Variants in USH2A observed in about 807,000 individuals in gnomAD.
The protein encoded by USH2A is Usher syndrome 2A (autosomal recessive, mild).
In USH2A, 443 loss-of-function variants were observed where a neutral mutation model predicts 538.9. That is an observed-to-expected ratio of 0.82 (90% CI 0.76 to 0.89). The LOEUF is 0.89. Among genes scored for constraint, USH2A ranks in the 40% least tolerant of loss-of-function variants. USH2A has a pLI of 0.00. For synonymous variants in USH2A, 2,413 were observed against 2,273.5 expected, an observed-to-expected ratio of 1.06 and a Z score of -1.75; for missense variants, 6,633 against 6,324.8, an observed-to-expected ratio of 1.05 and a Z score of -1.65.
At chr1:215,811,942 A>G (rs1177165066) in intron 49 of USH2A, among the ~76,000 whole-genome samples, 1 of 149,034 alleles carries the variant, frequency 6.7e-6, no homozygotes, top group African/African-American at 2.5e-5. Context: ...CAAACAAAAA[A>G]CAAAAACAAA....
intron 14 of USH2A, among the ~76,000 whole-genome samples, chr1:216,229,202 A>G (rs905625811): frequency 2.0e-5 from 3 of 151,770 alleles, no homozygotes; most frequent in East Asian, 3.9e-4. Flanking sequence ...CTTAATCTGA[A>G]TCATTCATAT....
intron 32 of USH2A, among the ~76,000 whole-genome samples, chr1:216,021,346 A>C (rs1055838617): frequency 4.5e-4 from 69 of 152,252 alleles, no homozygotes; most frequent in Non-Finnish European, 2.5e-4. Flanking sequence ...AATAAGTCTC[A>C]TAAGATCTGA....
chr1:215,728,880 T>C (rs773497057), intron 60 of USH2A, among the ~76,000 whole-genome samples: 13 of 152,200 alleles, frequency 8.5e-5, no homozygotes, highest in Non-Finnish European at 1.8e-4. Context: ...TGTGCATGTA[T>C]GCATGCAGTT....
chr1:215,856,832 GGTGTGTGTGTGTGTGTGTGTGTGTGTGT>G (rs71159889), intron 44 of USH2A, among the ~76,000 whole-genome samples: 10 of 141,896 alleles, frequency 7.0e-5, no homozygotes, highest in Admixed American at 6.4e-4. Flanking sequence ...AAAAAAATTT[GGTGTGTGTGTGTGTGTGTGTGTGTGTGT>G]GTGTGTGTGT....
At chr1:215,939,191 C>T (rs1355122669) in intron 37 of USH2A, among the ~76,000 whole-genome samples, 1 of 152,156 alleles carries the variant, frequency 6.6e-6, no homozygotes, top group Non-Finnish European at 1.5e-5. Flanking sequence ...CACTATCTTT[C>T]CACTGAAGAT....
chr1:215,838,107 C>A lies in USH2A; in HGVS notation c.9259-4G>T, dbSNP rs2102816703. On this transcript the variant is annotated splice_polypyrimidine_tract_variant and splice_region_variant and intron_variant, in intron 46 of 71. Coordinates refer to ENST00000307340, the MANE Select transcript of USH2A (RefSeq NM_206933.4). ...CATATATTGTGCAGACTTCAACCTG[C>A]AAACATTAGTTTAGAAAAAATAAAT... 2 of 1,610,868 alleles carry A rather than the reference C, an allele frequency of 1.2e-6. No individual in the cohort carries two copies. Among genetic ancestry groups the A allele is most frequent in the African/African-American group, 2.7e-5 (2 of 74,958 alleles).
intron 55 of USH2A, among the ~76,000 whole-genome samples, chr1:215,771,041 T>C (rs1000739507): frequency 1.4e-5 from 2 of 148,082 alleles, no homozygotes; most frequent in South Asian, 2.2e-4. Flanking sequence ...GCTGGAGAAT[T>C]GCTTGAACCT....
intron 61 of USH2A, among the ~76,000 whole-genome samples, chr1:215,686,724 T>C (rs1405458114): frequency 4.6e-5 from 7 of 152,078 alleles, no homozygotes; most frequent in Admixed American, 4.6e-4. Context: ...AATGAAATAA[T>C]AAATCTGCCA....
At position 215,889,857 on chromosome 1, in the gene USH2A, A is replaced by T. The variant is rs72742768; in HGVS notation, c.7595-803T>A. Among the ~76,000 whole-genome samples the T allele has an allele frequency of 6.3e-3, 955 of 152,330 alleles. 6 individuals carry two copies. The highest frequency in any genetic ancestry group is 8.5e-3 in the Non-Finnish European group (575 of 68,038). ...TTCCTTAATTGTAAATAATTTCACC[A>T]TGCGACACAATCAAGTCACCTTGAA... On this transcript the variant is annotated intron_variant, in intron 40 of 71. Coordinates refer to ENST00000307340, the MANE Select transcript of USH2A (RefSeq NM_206933.4).
intron 37 of USH2A, among the ~76,000 whole-genome samples, chr1:215,958,497 T>C (rs1286377767): frequency 6.6e-6 from 1 of 152,158 alleles, no homozygotes; most frequent in East Asian, 1.9e-4. Flanking sequence ...AGATGGGGAT[T>C]TATCCCAAAG....
chr1:216,060,239 G>A (rs543192839), intron 30 of USH2A, among the ~76,000 whole-genome samples: 1 of 152,276 alleles, frequency 6.6e-6, no homozygotes, highest in South Asian at 2.1e-4. Context: ...TAGCCCAGAT[G>A]TACAGAATCA....
chr1:215,923,346 T>A (rs1350786084), intron 38 of USH2A, among the ~76,000 whole-genome samples: 1 of 152,062 alleles, frequency 6.6e-6, no homozygotes, highest in Non-Finnish European at 1.5e-5. Context: ...CAGAATCTAG[T>A]CTACCTCCTT....
At chr1:215,720,355 C>A (rs1659620458) in intron 61 of USH2A, among the ~76,000 whole-genome samples, 1 of 152,172 alleles carries the variant, frequency 6.6e-6, no homozygotes, top group Non-Finnish European at 1.5e-5. Context: ...ACAGTCTGGT[C>A]TTGGCAAGAG....
intron 9 of USH2A, among the ~76,000 whole-genome samples, chr1:216,302,784 C>G (rs1261211812): frequency 6.6e-6 from 1 of 151,960 alleles, no homozygotes; most frequent in Non-Finnish European, 1.5e-5. Flanking sequence ...GGAAAATTAT[C>G]CAATGAAACA....
At chr1:215,632,479 T>A (rs1002021513) in intron 70 of USH2A, among the ~76,000 whole-genome samples, 2 of 152,182 alleles carry the variant, frequency 1.3e-5, no homozygotes, top group African/African-American at 4.8e-5. Context: ...GTGTTCTTCC[T>A]CATGGAGGAT....
Position 216,327,582 on chromosome 1 carries a change from T to A in USH2A, c.848+9A>T, listed in dbSNP as rs772853223. Reference sequence around the variant, plus strand: ...GGTTCTTGAGGTTTACAATGCAACATCTGCTTACCTGTTTGTAAGTGCCAC... The same window carrying A: ...GGTTCTTGAGGTTTACAATGCAACAACTGCTTACCTGTTTGTAAGTGCCAC... On this transcript the variant is annotated intron_variant, in intron 5 of 71. Transcript: ENST00000307340. The A allele has an allele frequency of 6.2e-7, 1 of 1,613,070 alleles. No individual in the cohort carries two copies. Among genetic ancestry groups the A allele is most frequent in the Non-Finnish European group, 8.5e-7 (1 of 1,179,358 alleles).
At chr1:216,085,941 T>C (rs966018825) in intron 24 of USH2A, among the ~76,000 whole-genome samples, 1 of 152,098 alleles carries the variant, frequency 6.6e-6, no homozygotes, top group Admixed American at 6.6e-5. Context: ...ATGAACAAAT[T>C]ATACTTATCT....
Position 216,080,017 on chromosome 1 carries a change from CTGT to C in USH2A, c.5299-1658_5299-1656del, listed in dbSNP as rs982649029. 96 of 152,152 alleles carry C rather than the reference CTGT, an allele frequency of 6.3e-4. 2 individuals are homozygous for C. Among genetic ancestry groups the C allele is most frequent in the African/African-American group, 1.9e-3 (78 of 41,528 alleles). The allele number at this position is 152,152 out of a possible 1,614,324, so 9.4% of individuals were successfully genotyped here. Reference sequence around the variant, plus strand: ...GAAAAGCATTTGAAAGAAATGCTGACTGTTGTTGTTGACAAGGAGGAGGGGTGA... The same window carrying C: ...GAAAAGCATTTGAAAGAAATGCTGACTGTTGTTGACAAGGAGGAGGGGTGA... On this transcript the variant is annotated intron_variant, in intron 26 of 71. Transcript: ENST00000307340.
intron 43 of USH2A, among the ~76,000 whole-genome samples, chr1:215,875,218 G>T (rs1664732113): frequency 6.6e-6 from 1 of 152,138 alleles, no homozygotes; most frequent in Non-Finnish European, 1.5e-5. Flanking sequence ...ACTTATAAAG[G>T]GTAGAGGGCT....
Sources: allele counts gnomAD v4.1 joint callset (sites outside exome capture counted in the v4.1 genomes callset), GRCh38; gene constraint gnomAD v4.1.1; transcripts MANE v1.5; gene names NCBI Gene and HGNC (gene_info 2026-07-23, HGNC 2026-07-21).